The following USP42 variants were observed in gnomAD, a reference collection of about 807,000 sequenced individuals.
The protein encoded by USP42 is ubiquitin specific peptidase 42, also known as ubiquitin carboxyl-terminal hydrolase 42.
In USP42, 23 loss-of-function variants were observed where a neutral mutation model predicts 113.0. The ratio of observed to expected loss-of-function variants is 0.20; its 90% CI spans 0.15 to 0.29. The LOEUF (loss-of-function observed/expected upper bound fraction) is 0.29, where lower values mean the gene tolerates loss of function less well. Among genes scored for constraint, USP42 ranks in the 10% least tolerant of loss-of-function variants. The probability of loss-of-function intolerance (pLI) is 1.00; values close to 1 mark genes in which losing one functional copy is unlikely to be tolerated. For synonymous variants in USP42, 933 were observed against 699.0 expected (o/e 1.33, Z -5.28); for missense variants, 2,174 against 1,779.8 (o/e 1.22, Z -3.99).
At chr7:6,084,058 GCT>G in the USP42 span, among the ~76,000 whole-genome samples, 1 of 151,174 alleles carries the variant, frequency 6.6e-6, no homozygotes. Flanking sequence ...ACAGAGTCTC[GCT>G]CTGTCACCCA....
chr7:6,101,589 G>A (rs1790128600), upstream of USP42, among the ~76,000 whole-genome samples: 1 of 151,154 alleles, frequency 6.6e-6, no homozygotes, highest in African/African-American at 2.5e-5. Flanking sequence ...AGGCAGGGAT[G>A]TCTTCATATG....
Position 6,139,232 on chromosome 7 carries a change from G to A in USP42, c.656+38G>A. The A allele has an allele frequency of 1.4e-6, 2 of 1,442,316 alleles. No individual in the cohort carries two copies. The highest frequency in any genetic ancestry group is 1.9e-6 in the Non-Finnish European group (2 of 1,055,144). 89.3% of individuals were successfully genotyped at this position (1,442,316 alleles called of 1,614,324 possible). A position where few individuals can be genotyped will look rare whatever the true frequency, so the allele number is the denominator to read the frequency against. ...GAGCGCCAGCCATGTCTTCATTGGG[G>A]ATCTCTGGTTGTAGTTTATTCTTAT... On this transcript the variant is annotated intron_variant, in intron 5 of 17. Coordinates refer to ENST00000306177, the MANE Select transcript of USP42 (RefSeq NM_032172.3). The surrounding 1 kb of genome is among the most constrained non-coding windows in gnomAD (Gnocchi z 4.5).
chr7:6,150,119 C>G lies in USP42; in HGVS notation c.1923C>G (p.Ala641=). The change falls in exon 13 of 18, where the codon GCC becomes GCG. Residue 641 remains alanine (A), a synonymous_variant. Coordinates refer to ENST00000306177, the MANE Select transcript of USP42 (RefSeq NM_032172.3). ...IVSSHSPGQD[A]EDEEATPHEL... ...GCTCCCACTCTCCCGGCCAAGATGC[C>G]GAAGATGAGGAGGCCACTCCGCACG... 1 of 1,612,590 alleles carries G rather than the reference C, an allele frequency of 6.2e-7. No individual in the cohort carries two copies. Among genetic ancestry groups the G allele is most frequent in the Middle Eastern group, 1.6e-4 (1 of 6,062 alleles).
At chr7:6,089,921 A>C in the USP42 span, among the ~76,000 whole-genome samples, 1 of 150,890 alleles carries the variant, frequency 6.6e-6, no homozygotes, top group Non-Finnish European at 1.5e-5. Flanking sequence ...ATGTGGCTTG[A>C]ACCCGGGAGG....
At chr7:6,126,270 A>G (rs1583615169) in intron 3 of USP42, among the ~76,000 whole-genome samples, 2 of 151,144 alleles carry the variant, frequency 1.3e-5, no homozygotes, top group Non-Finnish European at 2.9e-5. Flanking sequence ...ATTTCATGGT[A>G]TGGATACGCC....
chr7:6,126,267 G>C (rs954877401), intron 3 of USP42, among the ~76,000 whole-genome samples: 8 of 151,698 alleles, frequency 5.3e-5, no homozygotes, highest in Admixed American at 5.3e-4. Context: ...AGTATTTCAT[G>C]GTATGGATAC....
chr7:6,101,951 A>G (rs1341086586), upstream of USP42, among the ~76,000 whole-genome samples: 1 of 149,794 alleles, frequency 6.7e-6, no homozygotes, highest in African/African-American at 2.5e-5. Flanking sequence ...AGCCGGGTAC[A>G]GTGGTGTGTG....
intron 1 of USP42, among the ~76,000 whole-genome samples, chr7:6,109,142 T>C (rs1157187641): frequency 6.6e-6 from 1 of 151,950 alleles, no homozygotes; most frequent in Non-Finnish European, 1.5e-5. Flanking sequence ...GAAAGTAAAG[T>C]CTAAACTGAG....
At chr7:6,127,060 A>C (rs984542371) in intron 3 of USP42, among the ~76,000 whole-genome samples, 2 of 152,136 alleles carry the variant, frequency 1.3e-5, no homozygotes, top group Non-Finnish European at 2.9e-5. Flanking sequence ...TGTGGCTTTC[A>C]TTTGCATTTC....
the USP42 span, among the ~76,000 whole-genome samples, chr7:6,089,346 G>A: frequency 6.6e-6 from 1 of 150,386 alleles, no homozygotes; most frequent in Admixed American, 6.6e-5. Flanking sequence ...CCTCCTGGTT[G>A]AGCTCTTTGG....
rs1781585077 is a variant in USP42 at position 6,144,306 on chromosome 7, C to T, written c.990+110C>T. 16 of 679,040 alleles carry T rather than the reference C, an allele frequency of 2.4e-5. No individual in the cohort carries two copies. The South Asian group carries it at 2.8e-4, about 12-fold the overall frequency. 42.1% of individuals were successfully genotyped at this position (679,040 alleles called of 1,614,324 possible). A position where few individuals can be genotyped will look rare whatever the true frequency, so the allele number is the denominator to read the frequency against. On this transcript the variant is annotated intron_variant, in intron 9 of 17. Transcript: ENST00000306177. ...GACTTTCTCATGACAAAATTGCTAA[C>T]TATTACCTACATTTGGGCTTCATTG... is the stretch of plus-strand genomic sequence containing the variant.
At chr7:6,119,457 T>G (rs1459725856) in intron 3 of USP42, among the ~76,000 whole-genome samples, 2 of 152,104 alleles carry the variant, frequency 1.3e-5, no homozygotes, top group Admixed American at 1.3e-4. Context: ...GGCAGCAGAG[T>G]GAGATCTTAC....
At position 6,156,996 on chromosome 7, in the gene USP42, C is replaced by T. The variant is rs773124803; in HGVS notation, c.3884C>T (p.Thr1295Met). The change falls in exon 16 of 18, where the codon ACG becomes ATG. Residue 1295 changes from threonine to methionine, a missense_variant. Transcript: ENST00000306177. ...GGCGTCGGACCTTTCCGTGAGAAAACGAAACACTTACGGATGGAAAGCAGG... is the reference window on the plus strand; with the variant it reads ...GGCGTCGGACCTTTCCGTGAGAAAATGAAACACTTACGGATGGAAAGCAGG... ...LEGVGPFREKTKHLRMESRDD... is the reference protein window; with the variant it reads ...LEGVGPFREKMKHLRMESRDD... The T allele has an allele frequency of 4.0e-5, 64 of 1,613,484 alleles. No homozygotes were observed. The East Asian group carries it at 9.1e-4, about 23-fold the overall frequency.
At chr7:6,112,600 A>G (rs941517265) in intron 2 of USP42, among the ~76,000 whole-genome samples, 1 of 152,204 alleles carries the variant, frequency 6.6e-6, no homozygotes, top group African/African-American at 2.4e-5. Flanking sequence ...GCATTTGAGG[A>G]CATGAAGATT....
chr7:6,159,351 A>G lies in USP42; in HGVS notation c.3944-99A>G, dbSNP rs1180997760. The G allele has an allele frequency of 2.0e-6, 3 of 1,532,448 alleles. No homozygotes were observed. The African/African-American group carries it at 4.1e-5, about 21-fold the overall frequency. 94.9% of individuals were successfully genotyped at this position (1,532,448 alleles called of 1,614,324 possible). A position where few individuals can be genotyped will look rare whatever the true frequency, so the allele number is the denominator to read the frequency against. ...GCCTCAGGCGCTCACAGGGAACCGC[A>G]GTGACTCTGACCATAGCCACTTAAC... On this transcript the variant is annotated intron_variant, in intron 16 of 17. Coordinates refer to ENST00000306177, the MANE Select transcript of USP42 (RefSeq NM_032172.3). This position sits in a 1 kb window ranked among gnomAD's most constrained non-coding sequence, Gnocchi z 4.1.
In USP42 at chr7:6,142,879, A is replaced by G. The variant is rs1781508992; in HGVS notation, c.796-53A>G. On this transcript the variant is annotated intron_variant, in intron 7 of 17. Transcript: ENST00000306177. ...AGCCTGGGTGGCAGGGCAAGACCCAAACACAAGTGACGGTGTGCGGTGATG... is the reference window on the plus strand; with the variant it reads ...AGCCTGGGTGGCAGGGCAAGACCCAGACACAAGTGACGGTGTGCGGTGATG... 3.1e-6 allele frequency: 5 copies of G among 1,590,714 alleles called. No individual in the cohort carries two copies. The Admixed American group carries it at 8.4e-5, about 27-fold the overall frequency.
chr7:6,092,053 C>CTTCTTCTTCTTCTTCTTCTTT, the USP42 span, among the ~76,000 whole-genome samples: 137 of 41,758 alleles, frequency 3.3e-3, 8 homozygotes, highest in Non-Finnish European at 5.4e-3. Context: ...TCTTCTTCTT[C>CTTCTTCTTCTTCTTCTTCTTT]TTTCTTCTTC....
chr7:6,111,769 A>ATT (rs375859355), intron 2 of USP42: 50,181 of 138,920 alleles, frequency 0.36, 11,392 homozygotes, highest in East Asian at 0.73. Context: ...AGCCCGGCTA[A>ATT]TTTTTTTTTT....
At chr7:6,136,659 ATACTT>A (rs1781168578) in intron 4 of USP42, among the ~76,000 whole-genome samples, 1 of 152,234 alleles carries the variant, frequency 6.6e-6, no homozygotes, top group Non-Finnish European at 1.5e-5. Flanking sequence ...TGGTGAATGA[ATACTT>A]TACTATACGC....
Sources: allele counts gnomAD v4.1 joint callset (sites outside exome capture counted in the v4.1 genomes callset), GRCh38; gene constraint gnomAD v4.1.1; non-coding constraint Gnocchi (gnomAD v3.1); transcripts MANE v1.5; gene names NCBI Gene and HGNC (gene_info 2026-07-23, HGNC 2026-07-21).